Variants in GALNT13 observed in about 807,000 individuals in gnomAD.
GALNT13 encodes UDP-GalNAc:polypeptide N-acetylgalactosaminyltransferase 13.
A neutral mutation model predicts 64.2 loss-of-function variants in GALNT13; 28 were observed. The ratio of observed to expected loss-of-function variants is 0.44; its 90% CI spans 0.32 to 0.60. The LOEUF is 0.60. Among genes scored for constraint, GALNT13 ranks in the 20% least tolerant of loss-of-function variants. GALNT13 has a pLI of 0.05. For synonymous variants in GALNT13, 214 were observed against 224.6 expected, an observed-to-expected ratio of 0.95 and a Z score of 0.42; for missense variants, 577 against 669.8, an observed-to-expected ratio of 0.86 and a Z score of 1.53.
chr2:153,678,156 AAT>A, the GALNT13 span, among the ~76,000 whole-genome samples: 50 of 145,542 alleles, frequency 3.4e-4, no homozygotes, highest in South Asian at 8.7e-4. Flanking sequence ...CCGACAAATG[AAT>A]ATATATATAT....
chr2:154,348,945 T>A (rs963750886), intron 9 of GALNT13, among the ~76,000 whole-genome samples: 3 of 152,182 alleles, frequency 2.0e-5, no homozygotes, highest in Non-Finnish European at 2.9e-5. Flanking sequence ...TTTCTACATT[T>A]CTCACTAGAT....
the GALNT13 span, among the ~76,000 whole-genome samples, chr2:153,184,189 C>T: frequency 6.6e-6 from 1 of 152,112 alleles, no homozygotes; most frequent in East Asian, 1.9e-4. Flanking sequence ...TTATTTACTT[C>T]CATTGTTAGC....
intron 3 of GALNT13, among the ~76,000 whole-genome samples, chr2:154,030,170 C>G (rs905563036): frequency 1.3e-5 from 2 of 150,380 alleles, no homozygotes; most frequent in Non-Finnish European, 3.0e-5. Context: ...AGAAAAAAAT[C>G]AATGAGAGAC....
chr2:153,095,471 C>A, the GALNT13 span, among the ~76,000 whole-genome samples: 1 of 152,184 alleles, frequency 6.6e-6, no homozygotes, highest in African/African-American at 2.4e-5. Context: ...TTGTGGAAGA[C>A]AATGTGGCAA....
At chr2:153,217,122 A>G in the GALNT13 span, among the ~76,000 whole-genome samples, 4 of 152,046 alleles carry the variant, frequency 2.6e-5, no homozygotes, top group East Asian at 7.7e-4. Context: ...GTTTTTATAT[A>G]CATGTGTATA....
At chr2:154,224,030 A>G (rs1395001336) in intron 4 of GALNT13, among the ~76,000 whole-genome samples, 2 of 152,058 alleles carry the variant, frequency 1.3e-5, no homozygotes, top group African/African-American at 4.8e-5. Flanking sequence ...AGAAGTTTAC[A>G]TTATTTATTT....
At chr2:153,068,567 T>A in the GALNT13 span, among the ~76,000 whole-genome samples, 1 of 152,220 alleles carries the variant, frequency 6.6e-6, no homozygotes, top group Non-Finnish European at 1.5e-5. Flanking sequence ...TAGAAGCCAT[T>A]ATTAGACTGT....
Position 154,450,627 on chromosome 2 carries a change from T to G in GALNT13, c.*76T>G. ...ATTTCAATTGGGGGAAAATATTAAC[T>G]TTGCTGAATTGAAAGTTTTAAAAAT... On this transcript the variant is annotated 3_prime_UTR_variant, in exon 13 of 13. Coordinates refer to ENST00000392825, the MANE Select transcript of GALNT13 (RefSeq NM_052917.4). 7.7e-7 allele frequency: 1 copy of G among 1,306,388 alleles called. No individual in the cohort carries two copies. Among genetic ancestry groups the G allele is most frequent in the Non-Finnish European group, 1.0e-6 (1 of 968,814 alleles). The allele number at this position is 1,306,388 out of a possible 1,614,324, so 80.9% of individuals were successfully genotyped here.
At chr2:153,191,692 T>C in the GALNT13 span, among the ~76,000 whole-genome samples, 1 of 150,282 alleles carries the variant, frequency 6.7e-6, no homozygotes, top group African/African-American at 2.4e-5. Context: ...TGTCAGGTCC[T>C]GGGCTTGAAA....
chr2:153,809,956 TTTTTG>T, the GALNT13 span, among the ~76,000 whole-genome samples: 33 of 152,138 alleles, frequency 2.2e-4, no homozygotes, highest in Non-Finnish European at 3.5e-4. Flanking sequence ...ATTTCTTTGT[TTTTTG>T]TTTTGTTTTG....
intron 8 of GALNT13, among the ~76,000 whole-genome samples, chr2:154,259,881 ATTG>A (rs370244505): frequency 4.6e-5 from 7 of 150,890 alleles, no homozygotes; most frequent in South Asian, 2.1e-4. Flanking sequence ...GTTTTTTGTT[ATTG>A]TTGTTGTTGT....
the GALNT13 span, among the ~76,000 whole-genome samples, chr2:153,758,566 A>G: frequency 6.6e-6 from 1 of 152,088 alleles, no homozygotes; most frequent in Non-Finnish European, 1.5e-5. Flanking sequence ...CAATATGTAG[A>G]TCACTTTGAG....
At chr2:154,031,531 G>C (rs1008422105) in intron 3 of GALNT13, among the ~76,000 whole-genome samples, 1 of 151,664 alleles carries the variant, frequency 6.6e-6, no homozygotes, top group Non-Finnish European at 1.5e-5. Flanking sequence ...TAATGTGTAT[G>C]GATATATATA....
At chr2:154,289,710 A>G (rs1051348378) in intron 8 of GALNT13, among the ~76,000 whole-genome samples, 9 of 152,196 alleles carry the variant, frequency 5.9e-5, no homozygotes, top group African/African-American at 2.2e-4. Context: ...GAAATTAGTG[A>G]TTGCCAAGTC....
intron 11 of GALNT13, 108 bp from the exon 12 acceptor site, chr2:154,438,484 G>A (rs540228170): frequency 5.6e-5 from 40 of 717,034 alleles, no homozygotes; most frequent in Admixed American, 1.1e-4. Flanking sequence ...ACCAGCAATC[G>A]TTTGAAAACA....
chr2:153,552,455 T>C, the GALNT13 span, among the ~76,000 whole-genome samples: 2 of 151,820 alleles, frequency 1.3e-5, no homozygotes, highest in African/African-American at 4.8e-5. Flanking sequence ...ACATAGAGAG[T>C]AGCCCTGCTA....
intron 3 of GALNT13, among the ~76,000 whole-genome samples, chr2:154,056,590 A>C (rs1377802066): frequency 1.3e-5 from 2 of 152,176 alleles, no homozygotes; most frequent in Non-Finnish European, 1.5e-5. Flanking sequence ...CAGTAGAGCC[A>C]TCATTAAATG....
At chr2:153,418,688 T>C in the GALNT13 span, among the ~76,000 whole-genome samples, 16 of 152,094 alleles carry the variant, frequency 1.1e-4, no homozygotes, top group Non-Finnish European at 1.6e-4. Flanking sequence ...CAAATCAGAA[T>C]TGGCTTCGAG....
At chr2:154,156,977 C>T (rs549258645) in intron 4 of GALNT13, among the ~76,000 whole-genome samples, 1 of 152,252 alleles carries the variant, frequency 6.6e-6, no homozygotes, top group African/African-American at 2.4e-5. Context: ...GCTGACTTGT[C>T]TTAAGTTAAA....
Sources: gnomAD v4.1 joint callset for allele counts (sites outside exome capture counted in the v4.1 genomes callset) on GRCh38, gnomAD v4.1.1 for gene constraint, MANE v1.5 for transcripts, NCBI Gene and HGNC (gene_info 2026-07-23, HGNC 2026-07-21) for gene names.